TENM3: variants seen among roughly 807,000 people sequenced by gnomAD.
TENM3 encodes teneurin-3.
Under a neutral mutation model 255.1 loss-of-function variants are expected in TENM3, and 63 were observed. The observed-to-expected ratio is 0.25, with a 90% CI of 0.20 to 0.30. TENM3 has a LOEUF of 0.30. Among genes scored for constraint, TENM3 ranks in the 10% least tolerant of loss-of-function variants. The probability of loss-of-function intolerance (pLI) is 1.00; values close to 1 mark genes in which losing one functional copy is unlikely to be tolerated. For missense variants in TENM3, 2,929 were observed against 3,461.1 expected, an observed-to-expected ratio of 0.85 and a Z score of 3.86; for synonymous variants, 1,306 against 1,322.3, an observed-to-expected ratio of 0.99 and a Z score of 0.27.
chr4:181,965,201 TC>T, the TENM3 span, among the ~76,000 whole-genome samples: 2 of 152,222 alleles, frequency 1.3e-5, no homozygotes, highest in Non-Finnish European at 2.9e-5. Context: ...ATTAACTTCC[TC>T]CTTATTTTAA....
the TENM3 span, among the ~76,000 whole-genome samples, chr4:181,506,079 A>G: frequency 2.0e-5 from 3 of 152,216 alleles, no homozygotes; most frequent in Admixed American, 2.0e-4. Context: ...TGTCCTTGGC[A>G]GAAACTTTCC....
chr4:182,571,143 T>G (rs1296980553), intron 3 of TENM3, among the ~76,000 whole-genome samples: 1 of 152,222 alleles, frequency 6.6e-6, no homozygotes, highest in Admixed American at 6.5e-5. Flanking sequence ...TTGTGCTTAC[T>G]GTCTTAGACG....
the TENM3 span, among the ~76,000 whole-genome samples, chr4:181,778,803 G>A: frequency 6.6e-6 from 1 of 152,058 alleles, no homozygotes; most frequent in East Asian, 1.9e-4. Flanking sequence ...ACCTTTTCTT[G>A]TTTGTCCAAG....
At chr4:182,142,071 T>G (rs1192805463), upstream of TENM3, 2 of 152,210 alleles carry the variant, frequency 1.3e-5, no homozygotes, top group Non-Finnish European at 2.9e-5. Context: ...TTTCAAGTAG[T>G]TTGCATGATC....
intron 22 of TENM3, among the ~76,000 whole-genome samples, chr4:182,766,301 T>C (rs913878445): frequency 2.6e-5 from 4 of 152,152 alleles, no homozygotes; most frequent in African/African-American, 9.7e-5. Context: ...GAGGTCTCCA[T>C]TTCAAGACCA....
chr4:182,442,871 CACACACACAT>C (rs1423163079), intron 3 of TENM3, among the ~76,000 whole-genome samples: 4 of 150,598 alleles, frequency 2.7e-5, no homozygotes, highest in East Asian at 1.9e-4. Flanking sequence ...CACACACACA[CACACACACAT>C]ATATATATAT....
the TENM3 span, among the ~76,000 whole-genome samples, chr4:181,508,321 C>A: frequency 1.3e-5 from 2 of 152,198 alleles, no homozygotes; most frequent in African/African-American, 4.8e-5. Context: ...ACAAATCAAG[C>A]TTTTCATGTT....
At chr4:182,274,436 A>AGAT (rs1759857295) in intron 1 of TENM3, among the ~76,000 whole-genome samples, 1 of 152,198 alleles carries the variant, frequency 6.6e-6, no homozygotes, top group African/African-American at 2.4e-5. Context: ...GGCAACAAAA[A>AGAT]GATGTCCTTG....
the TENM3 span, among the ~76,000 whole-genome samples, chr4:181,787,640 C>G: frequency 1.3e-5 from 2 of 152,058 alleles, no homozygotes; most frequent in African/African-American, 2.4e-5. Flanking sequence ...GCACCTGGCC[C>G]ATCCATCCTT....
the TENM3 span, among the ~76,000 whole-genome samples, chr4:181,527,140 A>C: frequency 6.6e-6 from 1 of 152,180 alleles, no homozygotes; most frequent in African/African-American, 2.4e-5. Flanking sequence ...AAACAGTTCC[A>C]ATCTACAAAC....
At chr4:182,038,348 C>CCTAATTAGTA in the TENM3 span, among the ~76,000 whole-genome samples, 4 of 152,114 alleles carry the variant, frequency 2.6e-5, no homozygotes, top group Non-Finnish European at 5.9e-5. Flanking sequence ...TTTAGGATTT[C>CCTAATTAGTA]AAATTATTAT....
the TENM3 span, among the ~76,000 whole-genome samples, chr4:181,589,010 C>A: frequency 1.3e-5 from 2 of 152,110 alleles, no homozygotes; most frequent in Non-Finnish European, 2.9e-5. Context: ...ATTATTTAGA[C>A]ATCATATATT....
the TENM3 span, among the ~76,000 whole-genome samples, chr4:181,649,839 G>T: frequency 1.3e-5 from 2 of 152,186 alleles, no homozygotes; most frequent in Non-Finnish European, 2.9e-5. Context: ...GTGAAGTAGA[G>T]CTGTCGTGGT....
chr4:182,304,514 G>T (rs375401084), intron 1 of TENM3, among the ~76,000 whole-genome samples: 38 of 152,198 alleles, frequency 2.5e-4, no homozygotes, highest in African/African-American at 8.9e-4. Flanking sequence ...GCCCGGCCAA[G>T]ATAATTTTTT....
chr4:181,730,257 A>G, the TENM3 span, among the ~76,000 whole-genome samples: 1 of 152,202 alleles, frequency 6.6e-6, no homozygotes, highest in Admixed American at 6.5e-5. Flanking sequence ...TCTTTTCCAC[A>G]AAAGGTGGAC....
At chr4:182,214,531 T>C in intron 1 of TENM3, among the ~76,000 whole-genome samples, 1 of 151,480 alleles carries the variant, frequency 6.6e-6, no homozygotes, top group South Asian at 2.1e-4. Flanking sequence ...TATTTATTTA[T>C]TTATTTATTT....
rs935633783 is a variant in TENM3, at chr4:182,689,134, A to G, written c.2221+783A>G. On this transcript the variant is annotated intron_variant, in intron 12 of 27. Coordinates refer to ENST00000511685, the MANE Select transcript of TENM3 (RefSeq NM_001080477.4). ...TTTAAAAGTACAACAAAAGTAAGTA[A>G]TAAATTTCTATATCACTTCAGTGAA... Among the ~76,000 whole-genome samples, 10 of 152,224 alleles carry G rather than the reference A, an allele frequency of 6.6e-5. 1 individual carries two copies. Among genetic ancestry groups the G allele is most frequent in the Admixed American group, 5.9e-4 (9 of 15,280 alleles).
the TENM3 span, among the ~76,000 whole-genome samples, chr4:181,484,547 A>G: frequency 1.3e-5 from 2 of 152,176 alleles, no homozygotes; most frequent in African/African-American, 4.8e-5. Flanking sequence ...TTCAATCTAA[A>G]TTTACTGCAT....
At chr4:181,761,532 A>G in the TENM3 span, among the ~76,000 whole-genome samples, 37 of 152,284 alleles carry the variant, frequency 2.4e-4, no homozygotes, top group East Asian at 7.2e-3. Context: ...TTGAAAACTG[A>G]TTTCAACCTA....
Sources: allele counts gnomAD v4.1 joint callset (sites outside exome capture counted in the v4.1 genomes callset), GRCh38; gene constraint gnomAD v4.1.1; transcripts MANE v1.5; gene names NCBI Gene and HGNC (gene_info 2026-07-23, HGNC 2026-07-21).